Variants in CLSPN observed in about 807,000 individuals in gnomAD.
The protein encoded by CLSPN is claspin, also known as claspin homolog.
CLSPN carries 85 observed loss-of-function variants against 156.3 expected under a neutral mutation model. The ratio of observed to expected loss-of-function variants is 0.54; its 90% CI spans 0.46 to 0.65. The LOEUF (loss-of-function observed/expected upper bound fraction) is 0.65, where lower values mean the gene tolerates loss of function less well. CLSPN is among the 30% of genes least tolerant of loss of function. The probability of loss-of-function intolerance (pLI) is 0.00; values close to 1 mark genes in which losing one functional copy is unlikely to be tolerated. For synonymous variants in CLSPN, 534 were observed against 542.4 expected (o/e 0.98, Z 0.22); for missense variants, 1,407 against 1,554.9 (o/e 0.90, Z 1.60).
rs569773868 is a variant in CLSPN, at chr1:35,745,516, C to G, written c.2901G>C (p.Glu967Asp). 191 of 1,614,096 alleles carry G rather than the reference C, an allele frequency of 1.2e-4. 2 individuals carry two copies. In the South Asian group the frequency reaches 2.0e-3, roughly 17 times the overall value. Residue 967 changes from glutamate to aspartate, a missense_variant, in exon 16 of 25, where the codon GAG becomes GAC. Coordinates refer to ENST00000318121, the MANE Select transcript of CLSPN (RefSeq NM_022111.4). ...ASSELNKQEK[E>D]SSMGDPMEEA... is the part of the protein sequence containing the mutation. Reference sequence around the variant, plus strand: ...CTTCCATTGGATCACCCATGCTGCTCTCCTTCTCCTGTTTATTTAACTCTG... The same window carrying G: ...CTTCCATTGGATCACCCATGCTGCTGTCCTTCTCCTGTTTATTTAACTCTG...
At chr1:35,766,656 C>T (rs570758846) in intron 1 of CLSPN, among the ~76,000 whole-genome samples, 1 of 152,018 alleles carries the variant, frequency 6.6e-6, no homozygotes, top group Non-Finnish European at 1.5e-5. Flanking sequence ...GTTAGTCAGG[C>T]TGGTCTCCAA....
At chr1:35,745,758 A>C (rs2148617310) in intron 15 of CLSPN, among the ~76,000 whole-genome samples, 196 bp from the exon 16 acceptor site, 1 of 152,358 alleles carries the variant, frequency 6.6e-6, no homozygotes, top group South Asian at 2.1e-4. Context: ...GGGATACAGT[A>C]ATGAACAAAC....
At chr1:35,753,582 C>T (rs1038361440) in intron 9 of CLSPN, among the ~76,000 whole-genome samples, 163 bp downstream of exon 9, 1 of 152,098 alleles carries the variant, frequency 6.6e-6, no homozygotes. Context: ...GTCCACCCCA[C>T]ACCTCTAGGT....
intron 24 of CLSPN, among the ~76,000 whole-genome samples, chr1:35,722,081 G>T (rs1641084966): frequency 6.6e-6 from 1 of 151,586 alleles, no homozygotes; most frequent in African/African-American, 2.4e-5. Context: ...AGAGATTGCA[G>T]TGAGCCAAGA....
intron 4 of CLSPN, 62 bp downstream of exon 4, chr1:35,763,098 T>TA: frequency 1.5e-6 from 2 of 1,321,262 alleles, no homozygotes; most frequent in Non-Finnish European, 2.0e-6. Context: ...AACAGTAAAT[T>TA]AAAAATATAG....
chr1:35,746,714 G>T lies in CLSPN; in HGVS notation c.2854+52C>A. The T allele has an allele frequency of 7.9e-7, 1 of 1,267,016 alleles. No homozygotes were observed. Among genetic ancestry groups the T allele is most frequent in the Non-Finnish European group, 1.2e-6 (1 of 866,336 alleles). 78.5% of individuals were successfully genotyped at this position (1,267,016 alleles called of 1,614,324 possible). Reference sequence around the variant, plus strand: ...CACCCGCCCAGGGAATTCTTTTCAAGGGCACTGATACTTGGGTGTGGTAAG... The same window carrying T: ...CACCCGCCCAGGGAATTCTTTTCAATGGCACTGATACTTGGGTGTGGTAAG... On this transcript the variant is annotated intron_variant, in intron 15 of 24. Transcript: ENST00000318121. This position sits in a 1 kb window ranked among gnomAD's most constrained non-coding sequence, Gnocchi z 4.2.
Position 35,736,980 on chromosome 1 carries a change from T to G in CLSPN, c.3843A>C (p.Arg1281Ser). The change falls in exon 24 of 25, where the codon AGA becomes AGC. Residue 1281 changes from arginine to serine, a missense_variant. Transcript: ENST00000318121. The part of the protein sequence containing the change: ...DHNPSAPRNS[R>S]NFVFHTLSPV... ...GAGAAAGTGTATGAAAGACAAAGTT[T>G]CTTGAATTTCGAGGAGCACTGGGGT... The G allele has an allele frequency of 3.7e-6, 6 of 1,614,136 alleles. No homozygotes were observed. The highest frequency in any genetic ancestry group is 2.2e-5 in the East Asian group (1 of 44,886).
chr1:35,738,123 T>A (rs781575667), intron 21 of CLSPN, 26 bp from the exon 22 acceptor site: 56,514 of 346,596 alleles, frequency 0.16, 6,525 homozygotes, highest in Non-Finnish European at 0.21. Flanking sequence ...AATATATATA[T>A]ATATATATAT....
At chr1:35,755,681 A>T (rs1238055209) in intron 8 of CLSPN, among the ~76,000 whole-genome samples, 7 of 152,078 alleles carry the variant, frequency 4.6e-5, no homozygotes, top group Admixed American at 4.6e-4. Context: ...TGCTAGGGTT[A>T]CAGGTGTGAG....
intron 10 of CLSPN, among the ~76,000 whole-genome samples, chr1:35,750,043 A>G (rs1642029918): frequency 6.6e-6 from 1 of 151,414 alleles, no homozygotes; most frequent in African/African-American, 2.4e-5. Flanking sequence ...TGCTAAGATT[A>G]TAAAGGACGA....
At chr1:35,763,098 TAAAA>T (rs1319909873) in intron 4 of CLSPN, 58 bp downstream of exon 4, 3 of 1,321,262 alleles carry the variant, frequency 2.3e-6, no homozygotes, top group Non-Finnish European at 3.0e-6. Flanking sequence ...AACAGTAAAT[TAAAA>T]ATATAGCAAA....
rs369815080 is a variant in CLSPN, at chr1:35,750,399, T to G, written c.2029-588A>C. ...ATCCCAGCATACAAAAAGGAAAGTT[T>G]TTTTTTTTTTTTCTTTTTTTGAGAT... On this transcript the variant is annotated intron_variant, in intron 10 of 24. Coordinates refer to ENST00000318121, the MANE Select transcript of CLSPN (RefSeq NM_022111.4). Among the ~76,000 whole-genome samples, 149 of 151,812 alleles carry G rather than the reference T, an allele frequency of 9.8e-4. 1 individual carries two copies. In the Middle Eastern group the frequency reaches 0.02, roughly 21 times the overall value.
Position 35,738,099 on chromosome 1 carries a change from T to TTAAAAAA in CLSPN, c.3559-3_3559-2insTTTTTTA. 3 of 666,970 alleles carry TTAAAAAA rather than the reference T, an allele frequency of 4.5e-6. No individual in the cohort carries two copies. Among genetic ancestry groups the TTAAAAAA allele is most frequent in the Non-Finnish European group, 6.0e-6 (3 of 497,040 alleles). 41.3% of individuals were successfully genotyped at this position (666,970 alleles called of 1,614,324 possible). The stretch of plus-strand genomic sequence containing the variant: ...AGCTGTAATTTTCCCCTGCTGTGCC[T>TTAAAAAA]GAAAAAAAAAAAAAATATATATATA... On this transcript the variant is annotated splice_region_variant and splice_polypyrimidine_tract_variant and intron_variant, in intron 21 of 24. Transcript: ENST00000318121.
intron 9 of CLSPN, among the ~76,000 whole-genome samples, chr1:35,752,203 A>G (rs543351379): frequency 6.6e-6 from 1 of 152,322 alleles, no homozygotes; most frequent in South Asian, 2.1e-4. Context: ...AACAACTGGA[A>G]CAAACAAGAC....
At position 35,732,195 on chromosome 1, in the gene CLSPN, G is replaced by A; in HGVS notation, c.*4301C>T. 5 of 985,350 alleles carry A rather than the reference G, an allele frequency of 5.1e-6. No individual in the cohort carries two copies. The highest frequency in any genetic ancestry group is 6.0e-6 in the Non-Finnish European group (5 of 829,896). The allele number at this position is 985,350 out of a possible 1,614,324, so 61.0% of individuals were successfully genotyped here. ...GTGCCAGGCGATGAGTAGGATATAA[G>A]GGTAGAAGATACAATACCATCTCAA... is the stretch of plus-strand genomic sequence containing the variant. On this transcript the variant is annotated 3_prime_UTR_variant, in exon 25 of 25. Transcript: ENST00000318121.
intron 6 of CLSPN, among the ~76,000 whole-genome samples, chr1:35,761,444 C>A (rs1315284376): frequency 6.6e-6 from 1 of 152,062 alleles, no homozygotes; most frequent in East Asian, 1.9e-4. Flanking sequence ...GATCCCATTT[C>A]GAATCTACTG....
rs375903787 is a variant in CLSPN at position 35,736,490 on chromosome 1, A to C, written c.*6T>G. ...CTCAATGTAGATTTTGGCACCTTTG[A>C]TGGTGTTAGCTCTCCAAATATTTGA... On this transcript the variant is annotated 3_prime_UTR_variant, in exon 25 of 25. Transcript: ENST00000318121. The C allele has an allele frequency of 1.3e-6, 2 of 1,578,764 alleles. No homozygotes were observed. Among genetic ancestry groups the C allele is most frequent in the Non-Finnish European group, 1.7e-6 (2 of 1,165,350 alleles).
At chr1:35,736,676 C>G in intron 24 of CLSPN, 70 bp from the exon 25 acceptor site, 3 of 1,523,740 alleles carry the variant, frequency 2.0e-6, no homozygotes, top group Non-Finnish European at 2.6e-6. Flanking sequence ...AATTAGCTCT[C>G]AAGCAACTCA....
At position 35,761,194 on chromosome 1, in the gene CLSPN, C is replaced by G. The variant is rs773360845; in HGVS notation, c.906G>C (p.Leu302=). ...TCTCAGGCATATGATATGGAAGGTT[C>G]AGTGCAGACTCTATAAAATGGAATA... ...ETQRLIRESA[L]NLPYHMPENK... The change falls in exon 7 of 25, where the codon CTG becomes CTC. Residue 302 remains leucine (L), a synonymous_variant. Transcript: ENST00000318121. 3 of 1,602,574 alleles carry G rather than the reference C, an allele frequency of 1.9e-6. No individual in the cohort carries two copies. Among genetic ancestry groups the G allele is most frequent in the Admixed American group, 1.7e-5 (1 of 59,984 alleles).
Sources: gnomAD v4.1 joint callset for allele counts (sites outside exome capture counted in the v4.1 genomes callset) on GRCh38, gnomAD v4.1.1 for gene constraint, Gnocchi (gnomAD v3.1) non-coding constraint, MANE v1.5 for transcripts, NCBI Gene and HGNC (gene_info 2026-07-23, HGNC 2026-07-21) for gene names.